The following GLRX3 variants were observed in gnomAD, a reference collection of about 807,000 sequenced individuals.
The protein encoded by GLRX3 is glutaredoxin 3, also known as glutaredoxin-3.
GLRX3 carries 22 observed loss-of-function variants against 49.5 expected under a neutral mutation model. The observed-to-expected ratio is 0.44, with a 90% CI of 0.32 to 0.63. The LOEUF (loss-of-function observed/expected upper bound fraction) is 0.63. GLRX3 is among the 30% of genes least tolerant of loss of function. The pLI, the probability that GLRX3 is intolerant of heterozygous loss-of-function variation, is 0.05. For missense variants in GLRX3, 385 were observed against 396.3 expected (o/e 0.97, Z 0.24); for synonymous variants, 133 against 140.0 (o/e 0.95, Z 0.35).
chr10:130,165,628 A>G (rs896025072), intron 4 of GLRX3, among the ~76,000 whole-genome samples: 3 of 152,220 alleles, frequency 2.0e-5, no homozygotes, highest in Admixed American at 6.5e-5. Context: ...TTAAAATTCA[A>G]TGTACTGTGT....
At chr10:130,163,790 T>C (rs914235103) in intron 4 of GLRX3, among the ~76,000 whole-genome samples, 2 of 152,244 alleles carry the variant, frequency 1.3e-5, no homozygotes, top group Non-Finnish European at 2.9e-5. Context: ...TTTGCTCTTC[T>C]TCTGGCATTT....
Position 130,145,275 on chromosome 10 carries a change from A to G in GLRX3, c.157A>G (p.Met53Val). ...APQCAQMNEV[M>V]AELAKELPQV... ...ACAGTGTGCACAGATGAACGAAGTT[A>G]TGGCAGAGTTAGCTAAAGAACTCCC... The change falls in exon 2 of 11, where the codon ATG becomes GTG. Residue 53 changes from methionine (M) to valine (V), a missense_variant. Around this residue, in one of 2 missense-constraint regions of GLRX3, gnomAD observed 374 missense variants for 358.6 expected, o/e 1.04. Transcript: ENST00000331244. The G allele has an allele frequency of 1.9e-6, 3 of 1,574,726 alleles. No individual in the cohort carries two copies. Among genetic ancestry groups the G allele is most frequent in the Non-Finnish European group, 2.6e-6 (3 of 1,144,494 alleles).
chr10:130,170,189 A>G (rs766280706), intron 7 of GLRX3, among the ~76,000 whole-genome samples: 13 of 152,304 alleles, frequency 8.5e-5, no homozygotes, highest in South Asian at 2.1e-4. Flanking sequence ...TTAATTCTCA[A>G]TCAGTTGTTG....
At chr10:130,178,448 T>G (rs568102523) in intron 10 of GLRX3, among the ~76,000 whole-genome samples, 1 of 151,604 alleles carries the variant, frequency 6.6e-6, no homozygotes, top group East Asian at 2.0e-4. Flanking sequence ...TAGAGATGGG[T>G]TTTGTCATGT....
At chr10:130,156,547 T>C (rs1862474287) in intron 2 of GLRX3, among the ~76,000 whole-genome samples, 1 of 137,792 alleles carries the variant, frequency 7.3e-6, no homozygotes. Flanking sequence ...TAAGTGAGTC[T>C]ATACGTGTGA....
intron 2 of GLRX3, chr10:130,159,737 T>C (rs570077284): frequency 8.5e-7 from 1 of 1,174,194 alleles, no homozygotes; most frequent in African/African-American, 1.5e-5. Flanking sequence ...CCAAAAATTT[T>C]ATTCACAGCC....
chr10:130,178,243 CT>C (rs1862959976), intron 10 of GLRX3, among the ~76,000 whole-genome samples: 1 of 151,398 alleles, frequency 6.6e-6, no homozygotes, highest in Non-Finnish European at 1.5e-5. Flanking sequence ...CGTCACACTG[CT>C]TTTTTTTTCT....
intron 1 of GLRX3, among the ~76,000 whole-genome samples, chr10:130,138,104 C>CT (rs944809653): frequency 3.3e-5 from 5 of 152,156 alleles, no homozygotes; most frequent in Admixed American, 3.3e-4. Flanking sequence ...GTTGCCCAGG[C>CT]TGAGTGCAGT....
chr10:130,179,934 C>A (rs1862993372), downstream of GLRX3, among the ~76,000 whole-genome samples: 1 of 152,132 alleles, frequency 6.6e-6, no homozygotes, highest in African/African-American at 2.4e-5. Context: ...TTTAGAGACT[C>A]ATTTCACAAG....
In GLRX3 at chr10:130,160,135, TC is replaced by T. The variant is rs1362727866; in HGVS notation, c.276+67del. 1.2e-5 allele frequency: 11 copies of T among 905,814 alleles called. No homozygotes were observed. The Admixed American group carries it at 1.2e-4, about 10-fold the overall frequency. 56.1% of individuals were successfully genotyped at this position (905,814 alleles called of 1,614,324 possible). ...GTGCCATGGGGCTACCTATTTTGTT[TC>T]TTTACCCTCTCTCTAATCCCCGAAT... On this transcript the variant is annotated intron_variant, in intron 3 of 10. Coordinates refer to ENST00000331244, the MANE Select transcript of GLRX3 (RefSeq NM_006541.5).
At position 130,166,586 on chromosome 10, in the gene GLRX3, G is replaced by T. The variant is rs996521997; in HGVS notation, c.558G>T (p.Glu186Asp). Residue 186 changes from glutamate (E) to aspartate (D), a missense_variant, in exon 5 of 11, where the codon GAG becomes GAT. Around this residue, in one of 2 missense-constraint regions of GLRX3, gnomAD observed 374 missense variants for 358.6 expected, o/e 1.04. Coordinates refer to ENST00000331244, the MANE Select transcript of GLRX3 (RefSeq NM_006541.5). ...FSSFDIFSDEEVRQGLKAYSS... is the reference protein window; with the variant it reads ...FSSFDIFSDEDVRQGLKAYSS... ...GTTTTGATATCTTCTCAGATGAAGA[G>T]GTTCGACAGGGACTCAAAGCCTATT... 1.9e-6 allele frequency: 3 copies of T among 1,609,120 alleles called. No homozygotes were observed. Among genetic ancestry groups the T allele is most frequent in the Non-Finnish European group, 2.6e-6 (3 of 1,175,634 alleles).
rs529468484 is a variant in GLRX3 at position 130,179,151 on chromosome 10, T to C, written c.958-191T>C. Among the ~76,000 whole-genome samples, 4 of 152,338 alleles carry C rather than the reference T, an allele frequency of 2.6e-5. No individual in the cohort carries two copies. In the East Asian group the frequency reaches 7.7e-4, roughly 29 times the overall value. On this transcript the variant is annotated intron_variant, in intron 10 of 10. Transcript: ENST00000331244. Reference sequence around the variant, plus strand: ...CCACACCTGGCCAAGAATACCTTGTTAAATTTTTTAACCTGATAGTGTATT... The same window carrying C: ...CCACACCTGGCCAAGAATACCTTGTCAAATTTTTTAACCTGATAGTGTATT...
intron 2 of GLRX3, among the ~76,000 whole-genome samples, chr10:130,146,943 A>C (rs1429527776): frequency 6.6e-6 from 1 of 152,200 alleles, no homozygotes; most frequent in Admixed American, 6.5e-5. Flanking sequence ...CAAAATTCCA[A>C]ACAGTGTAGA....
chr10:130,136,703 C>T (rs563557924), intron 1 of GLRX3, among the ~76,000 whole-genome samples, 191 bp downstream of exon 1: 3 of 152,316 alleles, frequency 2.0e-5, no homozygotes, highest in East Asian at 1.9e-4. Context: ...GCCGCAGGTT[C>T]CCCGCCCCGG....
intron 10 of GLRX3, among the ~76,000 whole-genome samples, chr10:130,175,808 A>G (rs1044884263): frequency 1.3e-5 from 2 of 152,250 alleles, no homozygotes; most frequent in African/African-American, 4.8e-5. Flanking sequence ...AATAAACAGA[A>G]GCTGTAGCTT....
intron 2 of GLRX3, among the ~76,000 whole-genome samples, chr10:130,152,626 G>A (rs1030242393): frequency 6.6e-6 from 1 of 152,092 alleles, no homozygotes; most frequent in Non-Finnish European, 1.5e-5. Flanking sequence ...TTGAATATTG[G>A]CCCCCACTCT....
intron 8 of GLRX3, among the ~76,000 whole-genome samples, chr10:130,174,246 G>C (rs889273977): frequency 4.6e-5 from 7 of 152,256 alleles, no homozygotes; most frequent in Non-Finnish European, 2.9e-5. Flanking sequence ...TGGCAGCGTG[G>C]TTGTTATCCG....
At chr10:130,163,177 C>T (rs1862609276) in intron 4 of GLRX3, among the ~76,000 whole-genome samples, 1 of 152,140 alleles carries the variant, frequency 6.6e-6, no homozygotes, top group South Asian at 2.1e-4. Context: ...GTAATCCCAG[C>T]ACATTGGGAG....
At chr10:130,148,857 G>A (rs188614450) in intron 2 of GLRX3, among the ~76,000 whole-genome samples, 95 of 152,168 alleles carry the variant, frequency 6.2e-4, no homozygotes, top group Admixed American at 5.5e-3. Flanking sequence ...AAGGACAGGA[G>A]TTCGAGACCA....
Sources: gnomAD v4.1 joint callset for allele counts (sites outside exome capture counted in the v4.1 genomes callset) on GRCh38, gnomAD v4.1.1 for gene constraint, gnomAD v4.1.1 regional missense constraint, MANE v1.5 for transcripts, NCBI Gene and HGNC (gene_info 2026-07-23, HGNC 2026-07-21) for gene names.